OR5AR1: variants seen among roughly 807,000 people sequenced by gnomAD.
OR5AR1 encodes olfactory receptor 5AR1.
Under a neutral mutation model 12.3 loss-of-function variants are expected in OR5AR1, and 19 were observed. The ratio of observed to expected loss-of-function variants is 1.55; its 90% CI spans 1.08 to 2.27. The LOEUF (loss-of-function observed/expected upper bound fraction) is 2.27, where lower values mean the gene tolerates loss of function less well. Ranked by LOEUF, OR5AR1 falls within the 30% of genes most tolerant of loss-of-function variation. OR5AR1 has a pLI of 0.00. For synonymous variants in OR5AR1, 156 were observed against 138.8 expected (o/e 1.12, Z -0.87); for missense variants, 432 against 378.4 (o/e 1.14, Z -1.18).
chr11:56,664,240 G>A lies in OR5AR1; in HGVS notation c.555G>A (p.Leu185=). 3 of 1,613,944 alleles carry A rather than the reference G, an allele frequency of 1.9e-6. No individual in the cohort carries two copies. Among genetic ancestry groups the A allele is most frequent in the Non-Finnish European group, 2.5e-6 (3 of 1,179,984 alleles). Residue 185 remains leucine, a synonymous_variant, in exon 1 of 1, where the codon TTG becomes TTA. Coordinates refer to ENST00000624596, the MANE Select transcript of OR5AR1 (RefSeq NM_001004730.1). ...NHFFCEIPPL[L]ALSCSDTYIS... Reference sequence around the variant, plus strand: ...TCTTCTGCGAAATCCCACCACTCTTGGCCCTCTCTTGCTCAGACACCTACA... The same window carrying A: ...TCTTCTGCGAAATCCCACCACTCTTAGCCCTCTCTTGCTCAGACACCTACA...
rs780134556 is a variant in OR5AR1 at position 56,664,067 on chromosome 11, C to T, written c.382C>T (p.Arg128Ter). 34 of 1,613,728 alleles carry T rather than the reference C, an allele frequency of 2.1e-5. No homozygotes were observed. Among genetic ancestry groups the T allele is most frequent in the Middle Eastern group, 1.6e-4 (1 of 6,084 alleles). Residue 128 changes from arginine (R) to a stop codon, truncating the protein, a stop_gained, in exon 1 of 1, where the codon CGA becomes TGA. Transcript: ENST00000624596. LOFTEE classifies it high-confidence loss of function. ...CTATGGTCGTTTTGTGGCCATTTGT[C>T]GACCCCTCCACTATAGCACCTTCAT... ...MAYGRFVAIC[R>*]PLHYSTFMSK...
In OR5AR1 at chr11:56,664,202, A is replaced by T. The variant is rs1466067575; in HGVS notation, c.517A>T (p.Ile173Phe). The T allele has an allele frequency of 1.2e-6, 2 of 1,613,922 alleles. No individual in the cohort carries two copies. The highest frequency in any genetic ancestry group is 8.5e-7 in the Non-Finnish European group (1 of 1,179,974). ...CAGCCTGAGTTACTGTGGTTCCAAT[A>T]TCATCAATCATTTCTTCTGCGAAAT... ...TFSLSYCGSN[I>F]INHFFCEIPP... Residue 173 changes from isoleucine (I) to phenylalanine (F), a missense_variant, in exon 1 of 1, where the codon ATC (isoleucine) becomes TTC (phenylalanine). Coordinates refer to ENST00000624596, the MANE Select transcript of OR5AR1 (RefSeq NM_001004730.1).
Position 56,664,102 on chromosome 11 carries a change from G to T in OR5AR1, c.417G>T (p.Gln139His). Residue 139 changes from glutamine (Q) to histidine (H), a missense_variant, in exon 1 of 1, where the codon CAG becomes CAT. Physicochemically the swap from Gln to His is conservative, Grantham distance 24. Transcript: ENST00000624596. ...ACTATAGCACCTTCATGTCCAAGCA[G>T]GTCTGCTTGGCTCTCATGCTGGGCT... Reference protein sequence around the residue: ...PLHYSTFMSKQVCLALMLGSY... With the variant: ...PLHYSTFMSKHVCLALMLGSY... 1.2e-6 allele frequency: 2 copies of T among 1,613,994 alleles called. No homozygotes were observed. The highest frequency in any genetic ancestry group is 1.7e-6 in the Non-Finnish European group (2 of 1,179,990).
Position 56,664,584 on chromosome 11 carries a change from CT to C in OR5AR1, c.902del (p.Phe301SerfsTer4). The C allele has an allele frequency of 2.5e-6, 4 of 1,598,760 alleles. No homozygotes were observed. The highest frequency in any genetic ancestry group is 2.6e-6 in the Non-Finnish European group (3 of 1,171,570). ...TTGCGGAACAAGGATGTGAAAGCTGCTTTCAAAAAGCTAATTGGAAAAAAAT... is the reference window on the plus strand; with the variant it reads ...TTGCGGAACAAGGATGTGAAAGCTGCTTCAAAAAGCTAATTGGAAAAAAAT... ...YSLRNKDVKAAFKKLIGKKSQ is the reference protein window; with the variant it reads ...YSLRNKDVKAXFKKLIGKKSQ On this transcript the variant is annotated frameshift_variant, in exon 1 of 1. Coordinates refer to ENST00000624596, the MANE Select transcript of OR5AR1 (RefSeq NM_001004730.1). LOFTEE classifies it high-confidence loss of function.
Position 56,664,264 on chromosome 11 carries a change from C to T in OR5AR1, c.579C>T (p.Tyr193=), listed in dbSNP as rs2134992467. 1 of 1,614,068 alleles carries T rather than the reference C, an allele frequency of 6.2e-7. No homozygotes were observed. Among genetic ancestry groups the T allele is most frequent in the East Asian group, 2.2e-5 (1 of 44,868 alleles). ...PLLALSCSDT[Y]ISEILLFSLC... ...TGGCCCTCTCTTGCTCAGACACCTA[C>T]ATCAGTGAGATCTTGCTCTTCAGTC... is the stretch of plus-strand genomic sequence containing the variant. Residue 193 remains tyrosine (Y), a synonymous_variant, in exon 1 of 1, where the codon TAC becomes TAT. Transcript: ENST00000624596.
chr11:56,663,820 G>C lies in OR5AR1; in HGVS notation c.135G>C (p.Met45Ile), dbSNP rs749806920. The C allele has an allele frequency of 5.0e-6, 8 of 1,613,830 alleles. No individual in the cohort carries two copies. The highest frequency in any genetic ancestry group is 5.9e-6 in the Non-Finnish European group (7 of 1,179,914). ...TTAATGTAGTGGGGAATATTGGTAT[G>C]ATTATCCTGATTACAACAGACACTC... is the stretch of plus-strand genomic sequence containing the variant. ...YLVNVVGNIG[M>I]IILITTDTQL... Residue 45 changes from methionine to isoleucine, a missense_variant, in exon 1 of 1, where the codon ATG becomes ATC. By Grantham distance (10) the Met-to-Ile change is conservative. Coordinates refer to ENST00000624596, the MANE Select transcript of OR5AR1 (RefSeq NM_001004730.1).
chr11:56,664,067 CG>C lies in OR5AR1; in HGVS notation c.383del (p.Arg128HisfsTer26). 1 of 1,613,846 alleles carries C rather than the reference CG, an allele frequency of 6.2e-7. No homozygotes were observed. The highest frequency in any genetic ancestry group is 8.5e-7 in the Non-Finnish European group (1 of 1,179,962). On this transcript the variant is annotated frameshift_variant, in exon 1 of 1. Transcript: ENST00000624596. LOFTEE classifies it high-confidence loss of function. ...MAYGRFVAIC[R>X]PLHYSTFMSK... ...CTATGGTCGTTTTGTGGCCATTTGT[CG>C]ACCCCTCCACTATAGCACCTTCATG...
At position 56,664,311 on chromosome 11, in the gene OR5AR1, G is replaced by A; in HGVS notation, c.626G>A (p.Ser209Asn). ...LFSLCGFIEF[S>N]TILIIFISYT... is the part of the protein sequence containing the mutation. ...AGTCTGTGTGGCTTCATTGAATTCA[G>A]CACCATCCTCATCATCTTCATCTCC... is the stretch of plus-strand genomic sequence containing the variant. The change falls in exon 1 of 1, where the codon AGC becomes AAC. Residue 209 changes from serine (S) to asparagine (N), a missense_variant. By Grantham distance (46) the Ser-to-Asn change is conservative (BLOSUM62 1). Transcript: ENST00000624596. 6.2e-7 allele frequency: 1 copy of A among 1,614,040 alleles called. No individual in the cohort carries two copies. Among genetic ancestry groups the A allele is most frequent in the East Asian group, 2.2e-5 (1 of 44,860 alleles).
rs145302105 is a variant in OR5AR1 at position 56,663,966 on chromosome 11, T to A, written c.281T>A (p.Phe94Tyr). Residue 94 changes from phenylalanine to tyrosine, a missense_variant, in exon 1 of 1, where the codon TTC becomes TAC. Transcript: ENST00000624596. The stretch of plus-strand genomic sequence containing the variant: ...CTAACAAATCACAAAGTTATCTCCT[T>A]CTCCAGCTGTGCCACCCAGTTTGCT... ...DFLTNHKVISFSSCATQFAFF... is the reference protein window; with the variant it reads ...DFLTNHKVISYSSCATQFAFF... 2 of 1,614,006 alleles carry A rather than the reference T, an allele frequency of 1.2e-6. No individual in the cohort carries two copies. The highest frequency in any genetic ancestry group is 1.1e-5 in the South Asian group (1 of 91,082).
At position 56,663,885 on chromosome 11, in the gene OR5AR1, C is replaced by G. The variant is rs1857210849; in HGVS notation, c.200C>G (p.Ser67Cys). 3 of 1,614,070 alleles carry G rather than the reference C, an allele frequency of 1.9e-6. No individual in the cohort carries two copies. Among genetic ancestry groups the G allele is most frequent in the Non-Finnish European group, 1.7e-6 (2 of 1,179,966 alleles). The stretch of plus-strand genomic sequence containing the variant: ...ATGTATTTTTTCCTCTGCAACCTCT[C>G]CTTTGTTGACCTGGGCTACTCCTCA... ...TPMYFFLCNL[S>C]FVDLGYSSAI... is the part of the protein sequence containing the mutation. Residue 67 changes from serine to cysteine, a missense_variant, in exon 1 of 1, where the codon TCC becomes TGC. By Grantham distance (112) the Ser-to-Cys change is moderately radical. Transcript: ENST00000624596.
chr11:56,663,690 A>C lies in OR5AR1; in HGVS notation c.5A>C (p.Asp2Ala). 1 of 1,600,552 alleles carries C rather than the reference A, an allele frequency of 6.2e-7. No individual in the cohort carries two copies. The highest frequency in any genetic ancestry group is 8.5e-7 in the Non-Finnish European group (1 of 1,172,706). Residue 2 changes from aspartate (D) to alanine (A), a missense_variant, in exon 1 of 1, where the codon GAT becomes GCT. Asp to Ala is a moderately radical substitution (Grantham distance 126). Coordinates refer to ENST00000624596, the MANE Select transcript of OR5AR1 (RefSeq NM_001004730.1). ...GGCACACATACACTTGAAGCAATGG[A>C]TAAAGAAAACAGCTCAATGGTGACT... M[D>A]KENSSMVTEF...
In OR5AR1 at chr11:56,664,032, C is replaced by A; in HGVS notation, c.347C>A (p.Ala116Glu). The change falls in exon 1 of 1, where the codon GCA becomes GAA. Residue 116 changes from alanine (A) to glutamate (E), a missense_variant. Ala to Glu is a moderately radical substitution (Grantham distance 107, BLOSUM62 -1). Coordinates refer to ENST00000624596, the MANE Select transcript of OR5AR1 (RefSeq NM_001004730.1). ...GFVDAECYVL[A>E]AMAYGRFVAI... ...GTGGATGCTGAGTGCTATGTCCTGG[C>A]AGCCATGGCCTATGGTCGTTTTGTG... The A allele has an allele frequency of 6.2e-7, 1 of 1,613,934 alleles. No homozygotes were observed. The highest frequency in any genetic ancestry group is 8.5e-7 in the Non-Finnish European group (1 of 1,179,946).
At position 56,664,189 on chromosome 11, in the gene OR5AR1, CTG is replaced by C. The variant is rs1391873159; in HGVS notation, c.507_508del (p.Cys169TrpfsTer27). On this transcript the variant is annotated frameshift_variant, in exon 1 of 1. Coordinates refer to ENST00000624596, the MANE Select transcript of OR5AR1 (RefSeq NM_001004730.1). LOFTEE classifies it high-confidence loss of function. Reference protein sequence around the residue: ...HTTLTFSLSYCGSNIINHFFC... With the variant: ...HTTLTFSLSYXGSNIINHFFC... Reference sequence around the variant, plus strand: ...CTACCCTCACCTTCAGCCTGAGTTACTGTGGTTCCAATATCATCAATCATTTC... The same window carrying C: ...CTACCCTCACCTTCAGCCTGAGTTACTGGTTCCAATATCATCAATCATTTC... 6.2e-7 allele frequency: 1 copy of C among 1,614,110 alleles called. No homozygotes were observed. Among genetic ancestry groups the C allele is most frequent in the Non-Finnish European group, 8.5e-7 (1 of 1,180,008 alleles).
At position 56,663,930 on chromosome 11, in the gene OR5AR1, T is replaced by A. The variant is rs776818164; in HGVS notation, c.245T>A (p.Leu82Gln). The A allele has an allele frequency of 3.8e-5, 62 of 1,614,076 alleles. No individual in the cohort carries two copies. Among genetic ancestry groups the A allele is most frequent in the Non-Finnish European group, 5.1e-5 (60 of 1,180,038 alleles). The change falls in exon 1 of 1, where the codon CTG becomes CAG. Residue 82 changes from leucine (L) to glutamine (Q), a missense_variant. Transcript: ENST00000624596. ...TCCTCAGCCATTGCCCCCAGGATGC[T>A]GGCTGACTTCCTAACAAATCACAAA... The part of the protein sequence containing the change: ...GYSSAIAPRM[L>Q]ADFLTNHKVI...
Position 56,664,239 on chromosome 11 carries a change from T to C in OR5AR1, c.554T>C (p.Leu185Ser), listed in dbSNP as rs756371722. The C allele has an allele frequency of 2.5e-6, 4 of 1,614,118 alleles. No individual in the cohort carries two copies. In the East Asian group the frequency reaches 8.9e-5, roughly 36 times the overall value. The change falls in exon 1 of 1, where the codon TTG (leucine) becomes TCG (serine). Residue 185 changes from leucine (L) to serine (S), a missense_variant. Coordinates refer to ENST00000624596, the MANE Select transcript of OR5AR1 (RefSeq NM_001004730.1). The part of the protein sequence containing the change: ...NHFFCEIPPL[L>S]ALSCSDTYIS... ...TTCTTCTGCGAAATCCCACCACTCTTGGCCCTCTCTTGCTCAGACACCTAC... is the reference window on the plus strand; with the variant it reads ...TTCTTCTGCGAAATCCCACCACTCTCGGCCCTCTCTTGCTCAGACACCTAC...
chr11:56,663,838 A>G lies in OR5AR1; in HGVS notation c.153A>G (p.Thr51=), dbSNP rs1357548372. Residue 51 remains threonine, a synonymous_variant, in exon 1 of 1, where the codon ACA becomes ACG. Coordinates refer to ENST00000624596, the MANE Select transcript of OR5AR1 (RefSeq NM_001004730.1). ...GNIGMIILIT[T]DTQLHTPMYF... ...TTGGTATGATTATCCTGATTACAACAGACACTCAGCTTCACACACCCATGT... is the reference window on the plus strand; with the variant it reads ...TTGGTATGATTATCCTGATTACAACGGACACTCAGCTTCACACACCCATGT... The G allele has an allele frequency of 1.9e-6, 3 of 1,613,940 alleles. No individual in the cohort carries two copies. In the East Asian group the frequency reaches 6.7e-5, roughly 36 times the overall value.
Position 56,664,410 on chromosome 11 carries a change from G to T in OR5AR1, c.725G>T (p.Gly242Val), listed in dbSNP as rs776809026. The change falls in exon 1 of 1, where the codon GGG becomes GTG. Residue 242 changes from glycine (G) to valine (V), a missense_variant. Gly to Val is a moderately radical substitution (Grantham distance 109). Coordinates refer to ENST00000624596, the MANE Select transcript of OR5AR1 (RefSeq NM_001004730.1). Reference sequence around the variant, plus strand: ...CGCCTTAAGGCTTTCTCCACCTGCGGGTCTCACCTTACTGGCATCACCCTC... The same window carrying T: ...CGCCTTAAGGCTTTCTCCACCTGCGTGTCTCACCTTACTGGCATCACCCTC... ...EGRLKAFSTC[G>V]SHLTGITLFY... The T allele has an allele frequency of 1.9e-6, 3 of 1,613,990 alleles. No individual in the cohort carries two copies. Among genetic ancestry groups the T allele is most frequent in the Non-Finnish European group, 8.5e-7 (1 of 1,180,002 alleles).
rs764671584 is a variant in OR5AR1 at position 56,663,856 on chromosome 11, A to C, written c.171A>C (p.Thr57=). Residue 57 remains threonine, a synonymous_variant, in exon 1 of 1, where the codon ACA becomes ACC. Transcript: ENST00000624596. ...ILITTDTQLH[T]PMYFFLCNLS... is the part of the protein sequence containing the mutation. Reference sequence around the variant, plus strand: ...TTACAACAGACACTCAGCTTCACACACCCATGTATTTTTTCCTCTGCAACC... The same window carrying C: ...TTACAACAGACACTCAGCTTCACACCCCCATGTATTTTTTCCTCTGCAACC... 4 of 1,613,784 alleles carry C rather than the reference A, an allele frequency of 2.5e-6. No individual in the cohort carries two copies. In the African/African-American group the frequency reaches 5.3e-5, roughly 22 times the overall value.
In OR5AR1 at chr11:56,664,011, A is replaced by C; in HGVS notation, c.326A>C (p.Asp109Ala). The stretch of plus-strand genomic sequence containing the variant: ...TTTGCTTTTTTTGTAGGTTTTGTGG[A>C]TGCTGAGTGCTATGTCCTGGCAGCC... ...TQFAFFVGFV[D>A]AECYVLAAMA... The change falls in exon 1 of 1, where the codon GAT (aspartate) becomes GCT (alanine). Residue 109 changes from aspartate (D) to alanine (A), a missense_variant. Physicochemically the swap from Asp to Ala is moderately radical, Grantham distance 126. Transcript: ENST00000624596. 6.2e-7 allele frequency: 1 copy of C among 1,613,840 alleles called. No homozygotes were observed. The highest frequency in any genetic ancestry group is 8.5e-7 in the Non-Finnish European group (1 of 1,179,942).
Sources: allele counts gnomAD v4.1 joint callset, GRCh38; gene constraint gnomAD v4.1.1; transcripts MANE v1.5; gene names NCBI Gene and HGNC (gene_info 2026-07-23, HGNC 2026-07-21).